FGF12: variants seen among roughly 807,000 people sequenced by gnomAD.
FGF12 encodes fibroblast growth factor 12.
FGF12 carries 14 observed loss-of-function variants against 23.6 expected under a neutral mutation model. The ratio of observed to expected loss-of-function variants is 0.59; its 90% confidence interval spans 0.39 to 0.93. The LOEUF (loss-of-function observed/expected upper bound fraction) is 0.93. Among genes scored for constraint, FGF12 ranks in the 40% least tolerant of loss-of-function variants. FGF12 has a pLI of 0.00. For missense variants in FGF12, 175 were observed against 217.8 expected (o/e 0.80, Z 1.24); for synonymous variants, 62 against 77.3 (o/e 0.80, Z 1.04).
intron 2 of FGF12, among the ~76,000 whole-genome samples, chr3:192,648,775 C>T (rs916228215): frequency 6.6e-6 from 1 of 152,136 alleles, no homozygotes; most frequent in African/African-American, 2.4e-5. Context: ...TTAAACAATG[C>T]TTGCAGAAAG....
rs1430358721 is a variant in FGF12, at chr3:192,475,904, T to C, written c.14-115366A>G. The stretch of plus-strand genomic sequence containing the variant: ...AGATGATAGATAGATAATAGATAGA[T>C]GGTAGATATAGATGATAGATGATAT... On this transcript the variant is annotated intron_variant, in intron 2 of 5. Coordinates refer to ENST00000445105, the MANE Select transcript of FGF12 (RefSeq NM_004113.6). Among the ~76,000 whole-genome samples, 3 of 152,098 alleles carry C rather than the reference T, an allele frequency of 2.0e-5. No homozygotes were observed. The South Asian group carries it at 6.2e-4, about 32-fold the overall frequency.
At chr3:192,358,578 A>G (rs1355492656) in intron 3 of FGF12, among the ~76,000 whole-genome samples, 1 of 152,126 alleles carries the variant, frequency 6.6e-6, no homozygotes, top group East Asian at 1.9e-4. Context: ...GTGGGTGTAG[A>G]TTTACACTAG....
chr3:192,589,375 C>T (rs1398306257), intron 2 of FGF12, among the ~76,000 whole-genome samples: 2 of 148,230 alleles, frequency 1.3e-5, no homozygotes, highest in Non-Finnish European at 3.0e-5. Flanking sequence ...AAAAAGAAAA[C>T]AACTGCTACT....
At chr3:192,276,278 G>A (rs1422807389) in intron 4 of FGF12, among the ~76,000 whole-genome samples, 1 of 152,130 alleles carries the variant, frequency 6.6e-6, no homozygotes, top group East Asian at 1.9e-4. Context: ...AAATGCATGG[G>A]TAAAATGGAT....
At chr3:192,203,024 G>C (rs1717451046) in intron 4 of FGF12, among the ~76,000 whole-genome samples, 1 of 152,070 alleles carries the variant, frequency 6.6e-6, no homozygotes, top group African/African-American at 2.4e-5. Flanking sequence ...CATTGGCTCA[G>C]CTACTTTTAT....
At chr3:192,395,855 T>A (rs1158613323) in intron 2 of FGF12, among the ~76,000 whole-genome samples, 1 of 152,160 alleles carries the variant, frequency 6.6e-6, no homozygotes, top group Non-Finnish European at 1.5e-5. Context: ...TCTGGGTAAG[T>A]GAAGGATAGG....
intron 2 of FGF12, among the ~76,000 whole-genome samples, chr3:192,384,426 G>A (rs937171356): frequency 1.3e-5 from 2 of 152,146 alleles, no homozygotes; most frequent in African/African-American, 4.8e-5. Flanking sequence ...TCCCTACGAA[G>A]GTGAGAGAGG....
At chr3:192,505,196 A>G (rs747789878) in intron 2 of FGF12, among the ~76,000 whole-genome samples, 6 of 152,148 alleles carry the variant, frequency 3.9e-5, no homozygotes, top group Non-Finnish European at 8.8e-5. Flanking sequence ...AACAAAAATG[A>G]TTCACTATTC....
At chr3:192,219,526 T>C (rs1386314402) in intron 4 of FGF12, among the ~76,000 whole-genome samples, 1 of 152,246 alleles carries the variant, frequency 6.6e-6, no homozygotes, top group African/African-American at 2.4e-5. Flanking sequence ...GGTATTGGTA[T>C]GCTTCCTTTA....
At chr3:192,270,134 C>CA (rs143662217) in intron 4 of FGF12, among the ~76,000 whole-genome samples, 3,337 of 152,250 alleles carry the variant, frequency 0.022, 97 homozygotes, top group African/African-American at 0.065. Flanking sequence ...AAATCTTTCA[C>CA]ATATAAAATT....
intron 4 of FGF12, among the ~76,000 whole-genome samples, chr3:192,319,519 C>A (rs1716417039): frequency 6.6e-6 from 1 of 152,056 alleles, no homozygotes; most frequent in Non-Finnish European, 1.5e-5. Context: ...AGAACTTGAA[C>A]CTGGGAGGCG....
At chr3:192,293,353 G>A (rs2108651807) in intron 4 of FGF12, among the ~76,000 whole-genome samples, 1 of 152,322 alleles carries the variant, frequency 6.6e-6, no homozygotes, top group East Asian at 1.9e-4. Context: ...AAAATGAAGT[G>A]TATGTATCTG....
chr3:192,528,092 A>G (rs923333714), intron 2 of FGF12, among the ~76,000 whole-genome samples: 1 of 152,120 alleles, frequency 6.6e-6, no homozygotes, highest in Non-Finnish European at 1.5e-5. Flanking sequence ...AAAGCCAATC[A>G]AGCCTTCCCA....
chr3:192,516,068 C>G (rs1486540048), intron 2 of FGF12, among the ~76,000 whole-genome samples: 1 of 152,146 alleles, frequency 6.6e-6, no homozygotes, highest in Non-Finnish European at 1.5e-5. Flanking sequence ...TACTTAACCG[C>G]TCTGTCCCTC....
chr3:192,206,856 C>T (rs527864471), intron 4 of FGF12, among the ~76,000 whole-genome samples: 2 of 152,112 alleles, frequency 1.3e-5, no homozygotes, highest in Non-Finnish European at 2.9e-5. Flanking sequence ...TCTCAACCCT[C>T]CTGGAGGGCC....
intron 2 of FGF12, among the ~76,000 whole-genome samples, chr3:192,388,830 A>C (rs1335911001): frequency 1.3e-5 from 2 of 152,096 alleles, no homozygotes; most frequent in Non-Finnish European, 2.9e-5. Flanking sequence ...TTTAAAAAAA[A>C]ATGAAACATA....
chr3:192,662,980 T>C (rs6797344), intron 2 of FGF12, among the ~76,000 whole-genome samples: 74,612 of 151,922 alleles, frequency 0.49, 18,605 homozygotes, highest in East Asian at 0.52. Flanking sequence ...CCTTCTCTTT[T>C]AGGGCTTTAA....
intron 2 of FGF12, chr3:192,726,763 T>C: frequency 5.7e-6 from 1 of 174,476 alleles, no homozygotes; most frequent in Non-Finnish European, 1.2e-5. Context: ...AATTCAAACA[T>C]TTTTTTTTTA....
intron 4 of FGF12, among the ~76,000 whole-genome samples, chr3:192,199,786 A>G (rs1460150635): frequency 6.6e-6 from 1 of 152,220 alleles, no homozygotes; most frequent in Non-Finnish European, 1.5e-5. Context: ...AAAACAGTGA[A>G]GATGAAAGTG....
Sources: gnomAD v4.1 joint callset for allele counts (sites outside exome capture counted in the v4.1 genomes callset) on GRCh38, gnomAD v4.1.1 for gene constraint, MANE v1.5 for transcripts, NCBI Gene and HGNC (gene_info 2026-07-23, HGNC 2026-07-21) for gene names.